Variants in ATAD2 observed in about 807,000 individuals in gnomAD.
The protein encoded by ATAD2 is ATPase family AAA domain-containing protein 2.
A neutral mutation model predicts 168.9 loss-of-function variants in ATAD2; 62 were observed. That is an observed-to-expected ratio of 0.37 (90% CI 0.30 to 0.45). ATAD2 has a LOEUF of 0.45. ATAD2 is among the 20% of genes least tolerant of loss of function. The pLI is 1.00. For missense variants in ATAD2, 1,419 were observed against 1,667.8 expected (o/e 0.85, Z 2.60); for synonymous variants, 613 against 571.6 (o/e 1.07, Z -1.03).
At chr8:123,347,617 T>G (rs1828294159) in intron 15 of ATAD2, among the ~76,000 whole-genome samples, 1 of 151,992 alleles carries the variant, frequency 6.6e-6, no homozygotes, top group African/African-American at 2.4e-5. Flanking sequence ...CTTTTAAGAG[T>G]GCAATACACA....
intron 1 of ATAD2, chr8:123,401,765 T>C (rs1274793827): frequency 6.7e-6 from 5 of 749,258 alleles, no homozygotes; most frequent in Admixed American, 1.8e-5. Context: ...CCCCAGCGAA[T>C]AGTTCTCAGA....
At chr8:123,379,302 A>G (rs1198254085) in intron 2 of ATAD2, among the ~76,000 whole-genome samples, 2 of 152,150 alleles carry the variant, frequency 1.3e-5, no homozygotes, top group African/African-American at 4.8e-5. Flanking sequence ...ACACCAACAC[A>G]TAGAAATTCA....
At chr8:123,344,667 GA>G (rs58478606) in intron 19 of ATAD2, 1 of 519,050 alleles carries the variant, frequency 1.9e-6, no homozygotes, top group Admixed American at 3.3e-5. Flanking sequence ...TTTTTCAAGA[GA>G]AAAAATTTAT....
intron 24 of ATAD2, among the ~76,000 whole-genome samples, chr8:123,333,575 T>C (rs182232173): frequency 3.2e-4 from 49 of 152,262 alleles, no homozygotes; most frequent in African/African-American, 1.1e-3. Flanking sequence ...TAGAAAACCC[T>C]ACAGGCTTTG....
chr8:123,380,761 C>T, intron 1 of ATAD2, 84 bp from the exon 2 acceptor site: 4 of 1,439,776 alleles, frequency 2.8e-6, no homozygotes, highest in Non-Finnish European at 3.8e-6. Context: ...TCTCTGATTA[C>T]AAGTTAGTAA....
At chr8:123,389,984 A>ATATATTTT (rs1232318597) in intron 1 of ATAD2, among the ~76,000 whole-genome samples, 2 of 115,136 alleles carry the variant, frequency 1.7e-5, no homozygotes, top group East Asian at 4.5e-4. Context: ...ATATATATAT[A>ATATATTTT]TTTTTTTTTT....
chr8:123,353,055 A>G (rs1345108265), intron 13 of ATAD2, among the ~76,000 whole-genome samples: 2 of 150,998 alleles, frequency 1.3e-5, no homozygotes, highest in Non-Finnish European at 2.9e-5. Flanking sequence ...TAACAGAGTA[A>G]GATTCTGTCT....
At chr8:123,345,394 G>T (rs749609719) in intron 18 of ATAD2, among the ~76,000 whole-genome samples, 14 of 151,802 alleles carry the variant, frequency 9.2e-5, no homozygotes, top group Non-Finnish European at 1.8e-4. Flanking sequence ...AGGCGCGGTG[G>T]CTCATGCCTA....
At chr8:123,382,484 A>G (rs1452559945) in intron 1 of ATAD2, among the ~76,000 whole-genome samples, 4 of 152,244 alleles carry the variant, frequency 2.6e-5, no homozygotes, top group African/African-American at 7.2e-5. Context: ...AGTGTAGTGT[A>G]TAAGACTTTC....
At chr8:123,322,676 A>G (rs1020837657) in intron 27 of ATAD2, among the ~76,000 whole-genome samples, 1 of 136,774 alleles carries the variant, frequency 7.3e-6, no homozygotes, top group African/African-American at 3.7e-5. Flanking sequence ...CTCTAAATAA[A>G]TAAATAAATA....
intron 6 of ATAD2, among the ~76,000 whole-genome samples, chr8:123,370,668 G>T (rs560752959): frequency 2.0e-5 from 3 of 152,070 alleles, no homozygotes; most frequent in African/African-American, 7.2e-5. Context: ...CATAGTGGAT[G>T]TATTACATAA....
At chr8:123,398,796 G>A (rs901411586), upstream of ATAD2, among the ~76,000 whole-genome samples, 17 of 152,248 alleles carry the variant, frequency 1.1e-4, no homozygotes, top group African/African-American at 3.6e-4. Context: ...GAGCCACCAT[G>A]CCCAAACAAT....
At chr8:123,397,400 A>G (rs1436799036), upstream of ATAD2, among the ~76,000 whole-genome samples, 1 of 152,230 alleles carries the variant, frequency 6.6e-6, no homozygotes, top group East Asian at 1.9e-4. Context: ...AAGGCCCTAA[A>G]GTACTATTAT....
intron 9 of ATAD2, 25 bp downstream of exon 9, chr8:123,361,514 A>C (rs1233959234): frequency 1.7e-5 from 27 of 1,555,990 alleles, no homozygotes; most frequent in Non-Finnish European, 2.3e-5. Context: ...CTGCTAGTTT[A>C]AAAAGGCATC....
upstream of ATAD2, chr8:123,396,454 A>G (rs1206865986): frequency 1.1e-5 from 14 of 1,310,158 alleles, no homozygotes; most frequent in Non-Finnish European, 1.3e-5. Flanking sequence ...TTCTGGCGCC[A>G]CAAGCTCCGC....
intron 1 of ATAD2, among the ~76,000 whole-genome samples, chr8:123,413,943 G>A (rs1202856966): frequency 6.6e-6 from 1 of 151,766 alleles, no homozygotes; most frequent in African/African-American, 2.4e-5. Flanking sequence ...CTTGAGGTCA[G>A]GAATTTGAGA....
At position 123,338,182 on chromosome 8, in the gene ATAD2, C is replaced by T. The variant is rs554801906; in HGVS notation, c.2855-361G>A. Among the ~76,000 whole-genome samples, 8 of 152,162 alleles carry T rather than the reference C, an allele frequency of 5.3e-5. No homozygotes were observed. In the East Asian group the frequency reaches 5.8e-4, roughly 11 times the overall value. On this transcript the variant is annotated intron_variant, in intron 20 of 27. Transcript: ENST00000287394. ...CCACCCTGGCTAATACAGTGAAACCCGGTCTCTACTAAAAATACAAAAAAT... is the reference window on the plus strand; with the variant it reads ...CCACCCTGGCTAATACAGTGAAACCTGGTCTCTACTAAAAATACAAAAAAT...
Position 123,323,051 on chromosome 8 carries a change from C to T in ATAD2, c.4018G>A (p.Val1340Ile), listed in dbSNP as rs1417743727. The change falls in exon 27 of 28, where the codon GTT (valine) becomes ATT (isoleucine). Residue 1340 changes from valine to isoleucine, a missense_variant. By Grantham distance (29) the Val-to-Ile change is conservative. Coordinates refer to ENST00000287394, the MANE Select transcript of ATAD2 (RefSeq NM_014109.4). ...HERLKNLLKT[V>I]VKKSQNYNIF... ...TTGTAGTTTTGACTTTTTTTAACAACAGTCTTCAAAAGATTCTAAAAGAAA... is the reference window on the plus strand; with the variant it reads ...TTGTAGTTTTGACTTTTTTTAACAATAGTCTTCAAAAGATTCTAAAAGAAA... 2 of 1,610,408 alleles carry T rather than the reference C, an allele frequency of 1.2e-6. No homozygotes were observed. The highest frequency in any genetic ancestry group is 1.1e-5 in the South Asian group (1 of 90,630).
chr8:123,358,555 C>T (rs1828716472), intron 11 of ATAD2, among the ~76,000 whole-genome samples: 1 of 151,926 alleles, frequency 6.6e-6, no homozygotes, highest in African/African-American at 2.4e-5. Context: ...ACTATGTTGG[C>T]CAGGCTAGTC....
Sources: gnomAD v4.1 joint callset for allele counts (sites outside exome capture counted in the v4.1 genomes callset) on GRCh38, gnomAD v4.1.1 for gene constraint, MANE v1.5 for transcripts, NCBI Gene and HGNC (gene_info 2026-07-23, HGNC 2026-07-21) for gene names.